Variants in PCP4L1 observed in about 807,000 individuals in gnomAD.
The protein encoded by PCP4L1 is Purkinje cell protein 4 like 1, also known as Purkinje cell protein 4-like protein 1.
A neutral mutation model predicts 9.6 loss-of-function variants in PCP4L1; 9 were observed. The ratio of observed to expected loss-of-function variants is 0.94; its 90% CI spans 0.57 to 1.64. The LOEUF is 1.64. Among genes scored for constraint, PCP4L1 ranks in the 40% most tolerant of loss-of-function variants. The pLI is 0.00. For missense variants in PCP4L1, 81 were observed against 80.8 expected, an observed-to-expected ratio of 1.00 and a Z score of -0.01; for synonymous variants, 31 against 28.2, an observed-to-expected ratio of 1.10 and a Z score of -0.31.
At chr1:161,266,112 G>A (rs1669525728) in intron 1 of PCP4L1, among the ~76,000 whole-genome samples, 1 of 152,010 alleles carries the variant, frequency 6.6e-6, no homozygotes, top group African/African-American at 2.4e-5. Flanking sequence ...TCTAGACCTT[G>A]TCACAGTCTC....
chr1:161,276,540 A>G (rs1225875764), intron 1 of PCP4L1, among the ~76,000 whole-genome samples: 1 of 151,902 alleles, frequency 6.6e-6, no homozygotes, highest in African/African-American at 2.4e-5. Context: ...AAAATTACCC[A>G]GGTATAGTGG....
In PCP4L1 at chr1:161,265,899, G is replaced by A. The variant is rs187958761; in HGVS notation, c.9+6916G>A. 2.9e-3 allele frequency among the ~76,000 whole-genome samples: 437 copies of A among 151,754 alleles called. 3 individuals are homozygous for A. Among genetic ancestry groups the A allele is most frequent in the African/African-American group, 0.01 (424 of 41,382 alleles). ...ATTACAGGCACCCAACACCACGCCC[G>A]GCTAATTTTTTTGTATTTTTAGTAG... On this transcript the variant is annotated intron_variant, in intron 1 of 2. Coordinates refer to ENST00000504449, the MANE Select transcript of PCP4L1 (RefSeq NM_001102566.2).
At chr1:161,283,520 TC>T in intron 1 of PCP4L1, 147 bp from the exon 2 acceptor site, 1 of 674,924 alleles carries the variant, frequency 1.5e-6, no homozygotes, top group Non-Finnish European at 2.5e-6. Flanking sequence ...TTTCCTCTGG[TC>T]TCTGATCTCA....
intron 1 of PCP4L1, among the ~76,000 whole-genome samples, chr1:161,274,207 C>T (rs1002836192): frequency 2.0e-5 from 3 of 152,110 alleles, no homozygotes; most frequent in Non-Finnish European, 2.9e-5. Context: ...ATTCTGAAAT[C>T]CTTGATTTCT....
chr1:161,279,126 C>T (rs1405907414), intron 1 of PCP4L1, among the ~76,000 whole-genome samples: 1 of 152,170 alleles, frequency 6.6e-6, no homozygotes, highest in Non-Finnish European at 1.5e-5. Context: ...CAGGCACAAA[C>T]CTGCTTCAGG....
At chr1:161,262,278 C>G (rs577966383) in intron 1 of PCP4L1, among the ~76,000 whole-genome samples, 2 of 151,394 alleles carry the variant, frequency 1.3e-5, no homozygotes, top group Admixed American at 1.3e-4. Context: ...ACTAAAAATA[C>G]AAAAAATTAG....
intron 1 of PCP4L1, among the ~76,000 whole-genome samples, chr1:161,279,441 A>G (rs1025669188): frequency 1.3e-5 from 2 of 152,262 alleles, no homozygotes; most frequent in African/African-American, 4.8e-5. Context: ...TTGAGTGTAT[A>G]GAACAGTGCT....
At chr1:161,262,309 C>T (rs1362018967) in intron 1 of PCP4L1, among the ~76,000 whole-genome samples, 1 of 151,774 alleles carries the variant, frequency 6.6e-6, no homozygotes, top group Non-Finnish European at 1.5e-5. Flanking sequence ...TGGCAGGCGC[C>T]TGTAGTCCCA....
At chr1:161,281,189 A>C (rs926843454) in intron 1 of PCP4L1, among the ~76,000 whole-genome samples, 2 of 152,150 alleles carry the variant, frequency 1.3e-5, no homozygotes, top group African/African-American at 4.8e-5. Context: ...ATCCCAAGGC[A>C]GAAGAATTTT....
Position 161,258,767 on chromosome 1 carries a change from C to G in PCP4L1, c.-208C>G. On this transcript the variant is annotated 5_prime_UTR_variant, in exon 1 of 3. Transcript: ENST00000504449. Reference sequence around the variant, plus strand: ...GCTGAGCGGCTCTGACAGGACGGGTCGCAGGGGGTCGCCTGGCCGGAGCTG... The same window carrying G: ...GCTGAGCGGCTCTGACAGGACGGGTGGCAGGGGGTCGCCTGGCCGGAGCTG... The G allele has an allele frequency of 1.3e-6, 1 of 746,842 alleles. No individual in the cohort carries two copies. The highest frequency in any genetic ancestry group is 1.7e-5 in the South Asian group (1 of 58,418). 46.3% of individuals were successfully genotyped at this position (746,842 alleles called of 1,614,324 possible). A position where few individuals can be genotyped will look rare whatever the true frequency, so the allele number is the denominator to read the frequency against.
At chr1:161,259,600 C>T (rs1305462050) in intron 1 of PCP4L1, among the ~76,000 whole-genome samples, 2 of 152,218 alleles carry the variant, frequency 1.3e-5, no homozygotes, top group African/African-American at 4.8e-5. Context: ...GGTCTTCCGG[C>T]AGGCTCTGTG....
rs145153961 is a variant in PCP4L1 at position 161,267,437 on chromosome 1, A to C, written c.9+8454A>C. ...CCCAGTGGGCTGAGGAATATGGGGA[A>C]ATCTGGATAGTTTATCTTTTCCAAG... is the stretch of plus-strand genomic sequence containing the variant. On this transcript the variant is annotated intron_variant, in intron 1 of 2. Transcript: ENST00000504449. Among the ~76,000 whole-genome samples the C allele has an allele frequency of 6.2e-4, 94 of 152,294 alleles. No homozygotes were observed. The Middle Eastern group carries it at 0.01, about 17-fold the overall frequency.
At chr1:161,280,990 C>T (rs1244314886) in intron 1 of PCP4L1, among the ~76,000 whole-genome samples, 3 of 152,118 alleles carry the variant, frequency 2.0e-5, no homozygotes, top group African/African-American at 4.8e-5. Flanking sequence ...ACCCTGAGGC[C>T]TTCTGCAGTG....
At chr1:161,283,563 C>T (rs1407756629) in intron 1 of PCP4L1, 105 bp from the exon 2 acceptor site, 10 of 1,005,080 alleles carry the variant, frequency 9.9e-6, no homozygotes, top group African/African-American at 1.6e-5. Context: ...TAAGGGAATG[C>T]ACCTGGTAAT....
At chr1:161,281,262 C>G (rs1172502510) in intron 1 of PCP4L1, among the ~76,000 whole-genome samples, 1 of 152,130 alleles carries the variant, frequency 6.6e-6, no homozygotes, top group African/African-American at 2.4e-5. Context: ...GACACAGCAA[C>G]CATCCGATTT....
chr1:161,273,201 A>T (rs1336239845), intron 1 of PCP4L1, among the ~76,000 whole-genome samples: 2 of 152,188 alleles, frequency 1.3e-5, no homozygotes, highest in Non-Finnish European at 2.9e-5. Context: ...GGATTAAAGA[A>T]ATATAGGAAG....
chr1:161,268,259 A>G (rs1490092948), intron 1 of PCP4L1, among the ~76,000 whole-genome samples: 1 of 150,228 alleles, frequency 6.7e-6, no homozygotes, highest in African/African-American at 2.5e-5. Flanking sequence ...GCTTGTTTAG[A>G]AGGGGAAAAA....
At chr1:161,279,071 C>G (rs2102240219) in intron 1 of PCP4L1, among the ~76,000 whole-genome samples, 1 of 152,346 alleles carries the variant, frequency 6.6e-6, no homozygotes, top group African/African-American at 2.4e-5. Flanking sequence ...GCATGAGCCA[C>G]TGCATCTGGC....
intron 1 of PCP4L1, among the ~76,000 whole-genome samples, chr1:161,269,636 T>TC (rs1669589240): frequency 2.0e-5 from 3 of 152,144 alleles, no homozygotes; most frequent in Admixed American, 2.0e-4. Context: ...GGAAGGAACA[T>TC]AGTATGTTCC....
Sources: allele counts gnomAD v4.1 joint callset (sites outside exome capture counted in the v4.1 genomes callset), GRCh38; gene constraint gnomAD v4.1.1; transcripts MANE v1.5; gene names NCBI Gene and HGNC (gene_info 2026-07-23, HGNC 2026-07-21).